Variants in ADGRL3 observed in about 807,000 individuals in gnomAD.
ADGRL3 encodes the protein adhesion G protein-coupled receptor L3, also known as calcium-independent alpha-latrotoxin receptor 3.
In ADGRL3, 62 loss-of-function variants were observed where a neutral mutation model predicts 153.5. The ratio of observed to expected loss-of-function variants is 0.40; its 90% CI spans 0.33 to 0.50. The LOEUF is 0.50. Among genes scored for constraint, ADGRL3 ranks in the 20% least tolerant of loss-of-function variants. The pLI is 0.47. For missense variants in ADGRL3, 1,641 were observed against 1,859.4 expected (o/e 0.88, Z 2.16); for synonymous variants, 710 against 672.5 (o/e 1.06, Z -0.86).
At chr4:61,582,409 G>A (rs550882392) in intron 4 of ADGRL3, among the ~76,000 whole-genome samples, 13 of 151,958 alleles carry the variant, frequency 8.6e-5, no homozygotes, top group Admixed American at 4.6e-4. Flanking sequence ...TCATTGTTCA[G>A]CTCCCACTTA....
intron 6 of ADGRL3, among the ~76,000 whole-genome samples, chr4:61,706,350 A>T (rs1354163406): frequency 6.6e-6 from 1 of 150,948 alleles, no homozygotes; most frequent in Non-Finnish European, 1.5e-5. Flanking sequence ...TGAAACCGGG[A>T]AGCAGAGGTT....
chr4:61,939,197 G>T (rs1254168676), intron 15 of ADGRL3, among the ~76,000 whole-genome samples: 3 of 152,202 alleles, frequency 2.0e-5, no homozygotes, highest in African/African-American at 7.2e-5. Context: ...TTTTAAGACA[G>T]GTAAAGATTG....
chr4:61,773,331 T>A (rs2097107858), intron 8 of ADGRL3, among the ~76,000 whole-genome samples: 1 of 152,206 alleles, frequency 6.6e-6, no homozygotes, highest in African/African-American at 2.4e-5. Context: ...AAATAATGAA[T>A]AAGAATTGAT....
At chr4:61,879,413 C>G (rs1031790094) in intron 9 of ADGRL3, among the ~76,000 whole-genome samples, 2 of 152,084 alleles carry the variant, frequency 1.3e-5, no homozygotes, top group African/African-American at 4.8e-5. Context: ...GTGATAGGAT[C>G]CAAGTCTAAA....
At chr4:61,685,118 A>G (rs1415231081) in intron 6 of ADGRL3, among the ~76,000 whole-genome samples, 3 of 152,036 alleles carry the variant, frequency 2.0e-5, no homozygotes, top group East Asian at 2.0e-4. Flanking sequence ...GGGTCTCACT[A>G]TGTTGCCCAG....
rs181420335 is a variant in ADGRL3 at position 61,618,840 on chromosome 4, T to C, written c.473+31400T>C. Among the ~76,000 whole-genome samples the C allele has an allele frequency of 6.9e-4, 105 of 152,246 alleles. 1 individual carries two copies. The highest frequency in any genetic ancestry group is 5.8e-3 in the South Asian group (28 of 4,820). The stretch of plus-strand genomic sequence containing the variant: ...CAAGTGACACTCCCTCCTCAGCCAC[T>C]TAAGTAGTTGTGACTACAGGTGCAT... On this transcript the variant is annotated intron_variant, in intron 5 of 26. Coordinates refer to ENST00000683033, the MANE Select transcript of ADGRL3 (RefSeq NM_001387552.1).
intron 5 of ADGRL3, among the ~76,000 whole-genome samples, chr4:61,621,609 T>C (rs1227261210): frequency 6.6e-6 from 1 of 152,182 alleles, no homozygotes; most frequent in Non-Finnish European, 1.5e-5. Flanking sequence ...ATAATCTTAA[T>C]ATTAGTGAAA....
intron 17 of ADGRL3, among the ~76,000 whole-genome samples, chr4:61,951,791 G>T (rs537091714): frequency 1.5e-4 from 23 of 152,260 alleles, no homozygotes; most frequent in African/African-American, 5.3e-4. Context: ...CTTGAGCCCA[G>T]GAAGCAGAGG....
chr4:61,799,836 CTTA>C (rs2097468384), intron 8 of ADGRL3, among the ~76,000 whole-genome samples: 1 of 151,896 alleles, frequency 6.6e-6, no homozygotes, highest in South Asian at 2.1e-4. Flanking sequence ...CATTTGGGTG[CTTA>C]TTATGTGACA....
chr4:61,561,233 T>C (rs2148974423), intron 4 of ADGRL3, among the ~76,000 whole-genome samples: 1 of 152,324 alleles, frequency 6.6e-6, no homozygotes, highest in East Asian at 1.9e-4. Flanking sequence ...TATCTTGCAT[T>C]ATTTAACAAT....
At chr4:61,719,724 C>T (rs1296249184) in intron 6 of ADGRL3, among the ~76,000 whole-genome samples, 1 of 151,658 alleles carries the variant, frequency 6.6e-6, no homozygotes, top group Non-Finnish European at 1.5e-5. Context: ...GCCTCAGCCT[C>T]CTGAGTAGCT....
intron 1 of ADGRL3, among the ~76,000 whole-genome samples, chr4:61,344,531 A>G (rs1037144408): frequency 1.3e-5 from 2 of 152,122 alleles, no homozygotes; most frequent in African/African-American, 4.8e-5. Flanking sequence ...AGAACTTTCA[A>G]ATTTAGGTAT....
At chr4:61,205,519 G>T (rs573777450) in intron 1 of ADGRL3, among the ~76,000 whole-genome samples, 1 of 152,274 alleles carries the variant, frequency 6.6e-6, no homozygotes, top group African/African-American at 2.4e-5. Flanking sequence ...CTCACTTTGG[G>T]AGGAACCCTA....
intron 1 of ADGRL3, among the ~76,000 whole-genome samples, chr4:61,348,222 G>A (rs990814447): frequency 1.3e-5 from 2 of 151,912 alleles, no homozygotes; most frequent in African/African-American, 4.8e-5. Context: ...TAATCAAAAC[G>A]ATCATAATAT....
At chr4:61,368,897 T>A (rs2096463356) in intron 1 of ADGRL3, among the ~76,000 whole-genome samples, 1 of 152,208 alleles carries the variant, frequency 6.6e-6, no homozygotes, top group Non-Finnish European at 1.5e-5. Flanking sequence ...TATCCTCTTT[T>A]ATTTCCTTGA....
At chr4:61,706,945 A>G (rs1265873176) in intron 6 of ADGRL3, among the ~76,000 whole-genome samples, 1 of 152,134 alleles carries the variant, frequency 6.6e-6, no homozygotes, top group Non-Finnish European at 1.5e-5. Flanking sequence ...TACTAAACTT[A>G]ATCATTCTAG....
intron 22 of ADGRL3, among the ~76,000 whole-genome samples, chr4:62,031,159 C>T (rs1721815815): frequency 6.6e-6 from 1 of 151,532 alleles, no homozygotes; most frequent in Non-Finnish European, 1.5e-5. Context: ...CACCTCATGC[C>T]ATTTGCATAT....
chr4:61,365,147 C>T (rs1241619086), intron 1 of ADGRL3, among the ~76,000 whole-genome samples: 1 of 151,680 alleles, frequency 6.6e-6, no homozygotes, highest in African/African-American at 2.4e-5. Context: ...TACATACTGC[C>T]CAGACATCTC....
At chr4:61,380,658 G>A (rs946712075) in intron 1 of ADGRL3, among the ~76,000 whole-genome samples, 1 of 151,888 alleles carries the variant, frequency 6.6e-6, no homozygotes, top group African/African-American at 2.4e-5. Context: ...AATTTCTGGT[G>A]CATTGCTTTT....
Sources: allele counts gnomAD v4.1 joint callset (sites outside exome capture counted in the v4.1 genomes callset), GRCh38; gene constraint gnomAD v4.1.1; transcripts MANE v1.5; gene names NCBI Gene and HGNC (gene_info 2026-07-23, HGNC 2026-07-21).